ADAM22: variants seen among roughly 807,000 people sequenced by gnomAD.
The protein encoded by ADAM22 is disintegrin and metalloproteinase domain-containing protein 22.
In ADAM22, 65 loss-of-function variants were observed where a neutral mutation model predicts 144.6. The ratio of observed to expected loss-of-function variants is 0.45; its 90% confidence interval spans 0.37 to 0.55. The LOEUF (loss-of-function observed/expected upper bound fraction) is 0.55. Among genes scored for constraint, ADAM22 ranks in the 20% least tolerant of loss-of-function variants. ADAM22 has a pLI of 0.00. For missense variants in ADAM22, 974 were observed against 1,184.9 expected (o/e 0.82, Z 2.61); for synonymous variants, 391 against 412.6 (o/e 0.95, Z 0.63).
At chr7:88,171,633 A>G in intron 26 of ADAM22, 72 bp downstream of exon 26, 1 of 1,316,270 alleles carries the variant, frequency 7.6e-7, no homozygotes, top group Non-Finnish European at 1.0e-6. Flanking sequence ...GAATTCATAC[A>G]TGCAATTATA....
At chr7:88,120,837 T>C (rs1425767113) in intron 7 of ADAM22, among the ~76,000 whole-genome samples, 1 of 152,212 alleles carries the variant, frequency 6.6e-6, no homozygotes, top group Non-Finnish European at 1.5e-5. Flanking sequence ...TTTTGCTAGC[T>C]CCCAAGTTTT....
intron 3 of ADAM22, among the ~76,000 whole-genome samples, chr7:87,984,300 C>A (rs1854417307): frequency 6.6e-6 from 1 of 152,142 alleles, no homozygotes; most frequent in Admixed American, 6.5e-5. Context: ...AGTTTCCCTT[C>A]ACTAGTGATG....
chr7:88,093,817 G>A (rs1437619662), intron 4 of ADAM22, among the ~76,000 whole-genome samples: 1 of 152,108 alleles, frequency 6.6e-6, no homozygotes, highest in African/African-American at 2.4e-5. Context: ...GAGATTACAG[G>A]CATGAGCCAC....
intron 4 of ADAM22, among the ~76,000 whole-genome samples, chr7:88,100,970 A>C (rs1216320038): frequency 6.6e-6 from 1 of 150,664 alleles, no homozygotes; most frequent in South Asian, 2.1e-4. Context: ...TGCAGCCACC[A>C]ATGTGTCAGG....
intron 10 of ADAM22, 104 bp downstream of exon 10, chr7:88,130,563 C>A: frequency 8.8e-7 from 1 of 1,140,290 alleles, no homozygotes; most frequent in Non-Finnish European, 1.2e-6. Context: ...CTATGTTGCA[C>A]TTCAGCCAAG....
At chr7:87,958,866 C>T (rs1847413895) in intron 2 of ADAM22, among the ~76,000 whole-genome samples, 1 of 151,974 alleles carries the variant, frequency 6.6e-6, no homozygotes, top group Non-Finnish European at 1.5e-5. Context: ...CGATTTTTGG[C>T]ATTTAAAAAT....
chr7:88,021,050 C>T (rs1339184689), intron 3 of ADAM22, among the ~76,000 whole-genome samples: 1 of 152,172 alleles, frequency 6.6e-6, no homozygotes, highest in Non-Finnish European at 1.5e-5. Flanking sequence ...GAAATAAATA[C>T]TTTGTCTTCA....
In ADAM22 at chr7:88,141,887, G is replaced by A. The variant is rs376521160; in HGVS notation, c.1221-1139G>A. On this transcript the variant is annotated intron_variant, in intron 14 of 31. Coordinates refer to ENST00000413139, the MANE Select transcript of ADAM22 (RefSeq NM_001324418.2). ...TCTTTGTTCGTACATCTTTGTGCAC[G>A]TAGCCAATCATTTCCTCAAGAAAAA... Among the ~76,000 whole-genome samples the A allele has an allele frequency of 6.6e-5, 10 of 151,938 alleles. No individual in the cohort carries two copies. The East Asian group carries it at 7.7e-4, about 12-fold the overall frequency.
At chr7:88,150,276 A>T (rs984413634) in intron 18 of ADAM22, among the ~76,000 whole-genome samples, 1 of 152,030 alleles carries the variant, frequency 6.6e-6, no homozygotes, top group African/African-American at 2.4e-5. Flanking sequence ...CTGCACTTTC[A>T]TCTCTGTTGG....
chr7:88,135,152 C>G (rs1291421395), intron 13 of ADAM22, among the ~76,000 whole-genome samples: 2 of 151,384 alleles, frequency 1.3e-5, no homozygotes, highest in Non-Finnish European at 2.9e-5. Flanking sequence ...GTGGCAGGCT[C>G]TTATAGTACC....
Position 88,098,537 on chromosome 7 carries a change from C to T in ADAM22, c.391-9639C>T, listed in dbSNP as rs144701737. 5.0e-3 allele frequency among the ~76,000 whole-genome samples: 760 copies of T among 152,104 alleles called. 10 individuals carry two copies. Among genetic ancestry groups the T allele is most frequent in the African/African-American group, 0.017 (714 of 41,514 alleles). On this transcript the variant is annotated intron_variant, in intron 4 of 31. Coordinates refer to ENST00000413139, the MANE Select transcript of ADAM22 (RefSeq NM_001324418.2). ...GAGGAAGTCATGCTAGATTAGGGTG[C>T]GCCCTAATCCGATGGTTGGTGTCCT... is the stretch of plus-strand genomic sequence containing the variant.
chr7:87,955,585 G>A lies in ADAM22; in HGVS notation c.246+20399G>A, dbSNP rs545198292. On this transcript the variant is annotated intron_variant, in intron 2 of 31. Transcript: ENST00000413139. ...CAGTTAGGCTGCTCAGGGGTCAGGA[G>A]TCACACTTGAGGAGGCAGTCTGCCC... Among the ~76,000 whole-genome samples the A allele has an allele frequency of 1.8e-3, 276 of 152,336 alleles. 5 individuals are homozygous for A. In the South Asian group the frequency reaches 0.026, roughly 14 times the overall value.
intron 3 of ADAM22, among the ~76,000 whole-genome samples, chr7:88,050,362 C>T (rs1323822373): frequency 6.6e-6 from 1 of 151,136 alleles, no homozygotes; most frequent in East Asian, 1.9e-4. Flanking sequence ...TACTGCACTG[C>T]ACTCCAGCCC....
intron 4 of ADAM22, among the ~76,000 whole-genome samples, chr7:88,096,302 T>TCG (rs1821285950): frequency 6.6e-6 from 1 of 151,894 alleles, no homozygotes; most frequent in Non-Finnish European, 1.5e-5. Context: ...TAATTTCTGC[T>TCG]CTTACTTTTG....
At chr7:88,106,698 C>G (rs909050844) in intron 4 of ADAM22, among the ~76,000 whole-genome samples, 4 of 152,106 alleles carry the variant, frequency 2.6e-5, no homozygotes, top group African/African-American at 9.7e-5. Flanking sequence ...AAGAGCTTCT[C>G]GAACTTTAAT....
intron 5 of ADAM22, among the ~76,000 whole-genome samples, chr7:88,110,923 A>G (rs890231448): frequency 7.2e-6 from 1 of 139,484 alleles, no homozygotes; most frequent in Non-Finnish European, 1.5e-5. Context: ...TTGTATTTTC[A>G]GTAGAGACGG....
At chr7:87,988,531 C>T (rs888038138) in intron 3 of ADAM22, among the ~76,000 whole-genome samples, 5 of 152,194 alleles carry the variant, frequency 3.3e-5, no homozygotes, top group South Asian at 2.1e-4. Flanking sequence ...AGTGTTTTAT[C>T]GGAAGGTATT....
chr7:88,111,797 A>G (rs1006948530), intron 5 of ADAM22, among the ~76,000 whole-genome samples: 1 of 152,138 alleles, frequency 6.6e-6, no homozygotes, highest in South Asian at 2.1e-4. Context: ...AAACACATGT[A>G]TTTTTTCATT....
At chr7:87,938,891 C>T (rs1026195297) in intron 2 of ADAM22, among the ~76,000 whole-genome samples, 1 of 152,116 alleles carries the variant, frequency 6.6e-6, no homozygotes, top group Non-Finnish European at 1.5e-5. Flanking sequence ...CCTTGTGATC[C>T]GCCCACCTTG....
Sources: allele counts gnomAD v4.1 joint callset (sites outside exome capture counted in the v4.1 genomes callset), GRCh38; gene constraint gnomAD v4.1.1; transcripts MANE v1.5; gene names NCBI Gene and HGNC (gene_info 2026-07-23, HGNC 2026-07-21).